The following SNAP91 variants were observed in gnomAD, a reference collection of about 807,000 sequenced individuals.
SNAP91 encodes the protein clathrin coat assembly protein AP180.
In SNAP91, 27 loss-of-function variants were observed where a neutral mutation model predicts 100.3. The ratio of observed to expected loss-of-function variants is 0.27; its 90% CI spans 0.20 to 0.37. The LOEUF is 0.37. Ranked by LOEUF, SNAP91 falls within the 10% of genes least tolerant of loss-of-function variation. The pLI is 1.00. For missense variants in SNAP91, 986 were observed against 1,123.7 expected (o/e 0.88, Z 1.75); for synonymous variants, 404 against 398.6 (o/e 1.01, Z -0.16).
At chr6:83,554,653 G>A (rs1774970285) in intron 29 of SNAP91, among the ~76,000 whole-genome samples, 1 of 152,122 alleles carries the variant, frequency 6.6e-6, no homozygotes, top group South Asian at 2.1e-4. Flanking sequence ...AAGGGGGCAT[G>A]GCAATGACCT....
chr6:83,654,306 C>T (rs938321199), intron 7 of SNAP91, among the ~76,000 whole-genome samples: 1 of 152,118 alleles, frequency 6.6e-6, no homozygotes, highest in Non-Finnish European at 1.5e-5. Flanking sequence ...AGAGGTTTGC[C>T]CTATGTCCTC....
chr6:83,626,075 G>C (rs985186570), intron 8 of SNAP91, among the ~76,000 whole-genome samples: 3 of 151,978 alleles, frequency 2.0e-5, no homozygotes, highest in Non-Finnish European at 2.9e-5. Context: ...TTTTGCATAT[G>C]GCTAGCCAGT....
chr6:83,562,434 A>T (rs1239039817), intron 26 of SNAP91, among the ~76,000 whole-genome samples: 1 of 152,214 alleles, frequency 6.6e-6, no homozygotes, highest in Non-Finnish European at 1.5e-5. Flanking sequence ...AAATTACATG[A>T]TTATAGTTAA....
intron 26 of SNAP91, among the ~76,000 whole-genome samples, chr6:83,567,070 C>G (rs1285834316): frequency 6.6e-6 from 1 of 152,172 alleles, no homozygotes; most frequent in East Asian, 1.9e-4. Context: ...TCTCATATAG[C>G]TCTTACTACA....
intron 16 of SNAP91, among the ~76,000 whole-genome samples, chr6:83,599,142 A>T (rs1167918616): frequency 6.6e-6 from 1 of 152,182 alleles, no homozygotes; most frequent in East Asian, 1.9e-4. Context: ...AAACATACAG[A>T]TTTTTCCACT....
chr6:83,644,621 T>A (rs2097846269), intron 7 of SNAP91, among the ~76,000 whole-genome samples: 1 of 152,204 alleles, frequency 6.6e-6, no homozygotes, highest in African/African-American at 2.4e-5. Context: ...ATAATTGTCC[T>A]AGGAAAGAAA....
At chr6:83,684,764 T>G (rs1316160044) in intron 2 of SNAP91, among the ~76,000 whole-genome samples, 1 of 152,194 alleles carries the variant, frequency 6.6e-6, no homozygotes, top group Admixed American at 6.6e-5. Context: ...GTCTTGGAGC[T>G]CTGTTATTTT....
At chr6:83,598,813 A>G (rs1257911184) in intron 16 of SNAP91, among the ~76,000 whole-genome samples, 5 of 152,190 alleles carry the variant, frequency 3.3e-5, no homozygotes, top group African/African-American at 7.2e-5. Flanking sequence ...GGCATGAAAG[A>G]AATTACAGAA....
rs961392585 is a variant in SNAP91, at chr6:83,610,659, T to C, written c.903A>G (p.Pro301=). 1.2e-5 allele frequency: 7 copies of C among 579,590 alleles called. No homozygotes were observed. Among genetic ancestry groups the C allele is most frequent in the African/African-American group, 7.9e-5 (4 of 50,592 alleles). The allele number at this position is 579,590 out of a possible 1,614,324, so 35.9% of individuals were successfully genotyped here. A position where few individuals can be genotyped will look rare whatever the true frequency, so the allele number is the denominator to read the frequency against. ...GNNEGSGAPS[P]LSKSSPATTV... is the part of the protein sequence containing the mutation. ...AAAAAACCAAACTTACCTTACTTAA[T>C]GGAGAGGGAGCACCAGATCTAAAAG... The change falls in exon 12 of 30, where the codon CCA becomes CCG. Residue 301 remains proline (P), a synonymous_variant. Coordinates refer to ENST00000369694, the MANE Select transcript of SNAP91 (RefSeq NM_001242792.2).
At chr6:83,627,608 A>G (rs1283897308) in intron 8 of SNAP91, among the ~76,000 whole-genome samples, 2 of 151,918 alleles carry the variant, frequency 1.3e-5, no homozygotes, top group African/African-American at 4.8e-5. Context: ...AAATTTATCC[A>G]TTTCCTCTAG....
At chr6:83,601,730 T>C in intron 14 of SNAP91, 131 bp from the exon 15 acceptor site, 1 of 802,758 alleles carries the variant, frequency 1.2e-6, no homozygotes, top group Non-Finnish European at 2.1e-6. Context: ...TTCTACACCA[T>C]TTGCAATTAA....
intron 12 of SNAP91, among the ~76,000 whole-genome samples, chr6:83,609,543 T>C (rs1200347664): frequency 6.6e-6 from 1 of 152,204 alleles, no homozygotes; most frequent in Non-Finnish European, 1.5e-5. Flanking sequence ...TATCCTTGAA[T>C]ATCTGTAATG....
At chr6:83,564,727 T>C (rs1407025462) in intron 26 of SNAP91, among the ~76,000 whole-genome samples, 3 of 151,902 alleles carry the variant, frequency 2.0e-5, no homozygotes, top group African/African-American at 2.4e-5. Context: ...AACGATAAAT[T>C]TGGACCCCTA....
chr6:83,605,951 C>CAT, intron 13 of SNAP91, 148 bp from the exon 14 acceptor site: 1 of 715,272 alleles, frequency 1.4e-6, no homozygotes, highest in Non-Finnish European at 2.2e-6. Flanking sequence ...AGAGCTATAG[C>CAT]ATATACCAAG....
intron 8 of SNAP91, among the ~76,000 whole-genome samples, chr6:83,634,789 C>G (rs1407042265): frequency 6.6e-6 from 1 of 152,136 alleles, no homozygotes; most frequent in East Asian, 1.9e-4. Context: ...GTGCTATAAA[C>G]TTTCCTCTTA....
rs778318021 is a variant in SNAP91 at position 83,580,434 on chromosome 6, A to G, written c.2299+16T>C. On this transcript the variant is annotated intron_variant, in intron 24 of 29. Coordinates refer to ENST00000369694, the MANE Select transcript of SNAP91 (RefSeq NM_001242792.2). ...TGCTTCAGTTAAAGAAAAAAAAAAAAAACTAGATTACTCACTGCCTACTAA... is the reference window on the plus strand; with the variant it reads ...TGCTTCAGTTAAAGAAAAAAAAAAAGAACTAGATTACTCACTGCCTACTAA... The G allele has an allele frequency of 1.9e-6, 3 of 1,573,652 alleles. No homozygotes were observed. The East Asian group carries it at 6.8e-5, about 36-fold the overall frequency.
At chr6:83,641,322 A>G in intron 7 of SNAP91, 120 bp from the exon 8 acceptor site, 1 of 515,862 alleles carries the variant, frequency 1.9e-6, no homozygotes, top group Non-Finnish European at 3.4e-6. Flanking sequence ...ACTTGGCAGT[A>G]AAACTTATAT....
At position 83,575,050 on chromosome 6, in the gene SNAP91, G is replaced by A. The variant is rs769258890; in HGVS notation, c.2402C>T (p.Pro801Leu). The change falls in exon 26 of 30, where the codon CCA becomes CTA. Residue 801 changes from proline (P) to leucine (L), a missense_variant. This residue lies in a region of SNAP91 where 575 missense variants were observed against 579.9 expected (regional missense o/e 0.99). Coordinates refer to ENST00000369694, the MANE Select transcript of SNAP91 (RefSeq NM_001242792.2). ...GGANWQPKVA[P>L]ATWSAGVPPS... ...TGGAACGCCTGCTGACCAGGTTGCT[G>A]GAGCTACTTTAGGCTGCCAGTTGGC... is the stretch of plus-strand genomic sequence containing the variant. The A allele has an allele frequency of 3.3e-5, 53 of 1,603,638 alleles. No homozygotes were observed. Among genetic ancestry groups the A allele is most frequent in the Non-Finnish European group, 4.3e-5 (51 of 1,174,954 alleles).
intron 24 of SNAP91, 117 bp from the exon 25 acceptor site, chr6:83,576,170 T>A (rs1271167128): frequency 1.8e-6 from 1 of 544,938 alleles, no homozygotes; most frequent in Admixed American, 4.2e-5. Context: ...TGCCTAGGAA[T>A]GACTGCATTC....
Sources: allele counts gnomAD v4.1 joint callset (sites outside exome capture counted in the v4.1 genomes callset), GRCh38; gene constraint gnomAD v4.1.1; regional missense constraint gnomAD v4.1.1; transcripts MANE v1.5; gene names NCBI Gene and HGNC (gene_info 2026-07-23, HGNC 2026-07-21).